GLT8D2: variants seen among roughly 807,000 people sequenced by gnomAD.
The protein encoded by GLT8D2 is glycosyltransferase 8 domain containing 2.
GLT8D2 carries 45 observed loss-of-function variants against 44.5 expected under a neutral mutation model. The ratio of observed to expected loss-of-function variants is 1.01; its 90% CI spans 0.80 to 1.30. The LOEUF (loss-of-function observed/expected upper bound fraction) is 1.30. Among genes scored for constraint, GLT8D2 ranks in the 50% most tolerant of loss-of-function variants. GLT8D2 has a pLI of 0.00. For synonymous variants in GLT8D2, 156 were observed against 157.2 expected (o/e 0.99, Z 0.06); for missense variants, 400 against 430.4 (o/e 0.93, Z 0.62).
At chr12:103,995,247 C>A (rs1389796582) in intron 8 of GLT8D2, among the ~76,000 whole-genome samples, 1 of 152,184 alleles carries the variant, frequency 6.6e-6, no homozygotes, top group African/African-American at 2.4e-5. Context: ...CCAATAGCTT[C>A]CCATCTCATT....
At chr12:104,055,625 C>T (rs1201169423) in intron 1 of GLT8D2, among the ~76,000 whole-genome samples, 1 of 152,196 alleles carries the variant, frequency 6.6e-6, no homozygotes, top group Non-Finnish European at 1.5e-5. Context: ...AAACATGTAT[C>T]TTAGTCTCTA....
chr12:103,997,464 A>G lies in GLT8D2; in HGVS notation c.474T>C (p.Asp158=), dbSNP rs904939453. The G allele has an allele frequency of 1.2e-6, 2 of 1,611,712 alleles. No individual in the cohort carries two copies. The highest frequency in any genetic ancestry group is 1.7e-6 in the Non-Finnish European group (2 of 1,177,784). Reference sequence around the variant, plus strand: ...TAGCGAGAGTACCTTGTACAATTACATCATCGTCCAAATAGATGACTTTCT... The same window carrying G: ...TAGCGAGAGTACCTTGTACAATTACGTCATCGTCCAAATAGATGACTTTCT... ...QHEKVIYLDD[D]VIVQGDIQEL... Residue 158 remains aspartate, a synonymous_variant, in exon 7 of 11, where the codon GAT becomes GAC. Coordinates refer to ENST00000360814, the MANE Select transcript of GLT8D2 (RefSeq NM_001384711.1).
intron 2 of GLT8D2, among the ~76,000 whole-genome samples, chr12:104,020,345 C>T (rs1877471635): frequency 1.3e-5 from 2 of 152,244 alleles, no homozygotes; most frequent in South Asian, 4.1e-4. Context: ...CCTATGCCAT[C>T]TTTCTACTAT....
intron 3 of GLT8D2, among the ~76,000 whole-genome samples, chr12:104,016,683 AAAAGAAAG>A (rs55931007): frequency 8.1e-5 from 9 of 110,536 alleles, no homozygotes; most frequent in South Asian, 6.1e-4. Flanking sequence ...AGAGAGAAAG[AAAAGAAAG>A]AAAGAAAGAA....
intron 1 of GLT8D2, among the ~76,000 whole-genome samples, chr12:104,028,669 G>A (rs953205700): frequency 1.3e-5 from 2 of 152,050 alleles, no homozygotes; most frequent in African/African-American, 4.8e-5. Flanking sequence ...AAGTAATTCA[G>A]GCAAAAAACC....
chr12:104,051,773 A>T (rs7963873), upstream of GLT8D2, among the ~76,000 whole-genome samples: 5,519 of 152,052 alleles, frequency 0.036, 340 homozygotes, highest in African/African-American at 0.13. Flanking sequence ...AAGTCTTTGA[A>T]ATTTGGTGTG....
chr12:104,028,859 C>T (rs896540827), intron 1 of GLT8D2, among the ~76,000 whole-genome samples: 2 of 151,918 alleles, frequency 1.3e-5, no homozygotes, highest in Admixed American at 1.3e-4. Context: ...TCATGGATAA[C>T]GTCATGGTCA....
At chr12:104,026,041 G>A (rs1338945918) in intron 1 of GLT8D2, among the ~76,000 whole-genome samples, 1 of 152,128 alleles carries the variant, frequency 6.6e-6, no homozygotes. Context: ...CACTTTGGGA[G>A]GCTGAGGCTG....
At chr12:104,029,382 C>A (rs1878968748) in intron 1 of GLT8D2, among the ~76,000 whole-genome samples, 1 of 152,082 alleles carries the variant, frequency 6.6e-6, no homozygotes, top group South Asian at 2.1e-4. Flanking sequence ...AATATTATGG[C>A]ATTAATGTTA....
At chr12:104,038,684 T>C (rs946995008) in intron 1 of GLT8D2, among the ~76,000 whole-genome samples, 3 of 152,196 alleles carry the variant, frequency 2.0e-5, no homozygotes, top group African/African-American at 7.2e-5. Flanking sequence ...TGTTCGTGAA[T>C]AGGAAGAATT....
chr12:103,997,592 C>A, intron 6 of GLT8D2, 57 bp from the exon 7 acceptor site: 1 of 1,215,846 alleles, frequency 8.2e-7, no homozygotes, highest in Non-Finnish European at 1.2e-6. Context: ...TTAGTGTCTT[C>A]TGGGGGTACT....
chr12:104,026,258 G>A (rs193076776), intron 1 of GLT8D2, among the ~76,000 whole-genome samples: 6 of 142,516 alleles, frequency 4.2e-5, no homozygotes, highest in Admixed American at 1.5e-4. Flanking sequence ...CAGCTTGGGC[G>A]ACAGAGCAAG....
chr12:103,998,189 G>A (rs1428987754), intron 6 of GLT8D2, among the ~76,000 whole-genome samples: 1 of 152,002 alleles, frequency 6.6e-6, no homozygotes, highest in East Asian at 1.9e-4. Flanking sequence ...ATATGTAGAA[G>A]GTGGCTGCAG....
chr12:104,047,386 C>A (rs1211415258), intron 1 of GLT8D2, among the ~76,000 whole-genome samples: 2 of 149,948 alleles, frequency 1.3e-5, no homozygotes, highest in Non-Finnish European at 3.0e-5. Context: ...CTCACCACAA[C>A]CTCCACCTCC....
intron 1 of GLT8D2, among the ~76,000 whole-genome samples, chr12:104,039,131 T>C (rs1880264691): frequency 6.6e-6 from 1 of 152,162 alleles, no homozygotes; most frequent in Non-Finnish European, 1.5e-5. Flanking sequence ...TTACACCTTA[T>C]ACAAAAATTA....
chr12:103,996,555 G>A (rs1180684127), intron 8 of GLT8D2, among the ~76,000 whole-genome samples, 180 bp downstream of exon 8: 1 of 152,216 alleles, frequency 6.6e-6, no homozygotes, highest in Admixed American at 6.5e-5. Context: ...GAGTTGGTAA[G>A]GCATGGAGCT....
intron 1 of GLT8D2, among the ~76,000 whole-genome samples, chr12:104,025,932 C>G (rs1878513229): frequency 6.6e-6 from 1 of 152,082 alleles, no homozygotes; most frequent in Non-Finnish European, 1.5e-5. Context: ...GGAAGAATTA[C>G]AGATATGATT....
intron 3 of GLT8D2, among the ~76,000 whole-genome samples, 162 bp from the exon 4 acceptor site, chr12:104,015,267 G>A (rs911400150): frequency 3.3e-5 from 5 of 152,042 alleles, no homozygotes; most frequent in African/African-American, 9.7e-5. Context: ...AATTAACCTG[G>A]CCAGGTGTGG....
chr12:104,016,773 A>AGG (rs1366623623), intron 3 of GLT8D2, among the ~76,000 whole-genome samples: 875 of 84,348 alleles, frequency 0.01, 16 homozygotes, highest in African/African-American at 0.014. Context: ...GAAAGAAAGA[A>AGG]AGAAGGAAGG....
Sources: gnomAD v4.1 joint callset for allele counts (sites outside exome capture counted in the v4.1 genomes callset) on GRCh38, gnomAD v4.1.1 for gene constraint, MANE v1.5 for transcripts, NCBI Gene and HGNC (gene_info 2026-07-23, HGNC 2026-07-21) for gene names.